LNX1: variants seen among roughly 807,000 people sequenced by gnomAD.
LNX1 encodes E3 ubiquitin-protein ligase LNX.
Under a neutral mutation model 68.4 loss-of-function variants are expected in LNX1, and 54 were observed. That is an observed-to-expected ratio of 0.79 (90% confidence interval 0.63 to 0.99). LNX1 has a LOEUF of 0.99. Among genes scored for constraint, LNX1 ranks in the 50% least tolerant of loss-of-function variants. The probability of loss-of-function intolerance (pLI) is 0.00; values close to 1 mark genes in which losing one functional copy is unlikely to be tolerated. For missense variants in LNX1, 906 were observed against 926.4 expected, an observed-to-expected ratio of 0.98 and a Z score of 0.29; for synonymous variants, 336 against 350.0, an observed-to-expected ratio of 0.96 and a Z score of 0.45.
chr4:53,560,944 CGGT>C (rs1730242981), intron 2 of LNX1, among the ~76,000 whole-genome samples: 1 of 152,196 alleles, frequency 6.6e-6, no homozygotes, highest in Non-Finnish European at 1.5e-5. Context: ...GCTTCCTTGC[CGGT>C]AAACAGCCCT....
In LNX1 at chr4:53,476,865, C is replaced by G. The variant is rs761292976; in HGVS notation, c.1780G>C (p.Glu594Gln). The G allele has an allele frequency of 6.2e-7, 1 of 1,614,206 alleles. No homozygotes were observed. Among genetic ancestry groups the G allele is most frequent in the South Asian group, 1.1e-5 (1 of 91,090 alleles). ...SIVLKALEVKEYEPQEDCSSP... is the reference protein window; with the variant it reads ...SIVLKALEVKQYEPQEDCSSP... ...CTGCAGTCTTCCTGGGGCTCATACT[C>G]TTTGACTTCCAAAGCTTTGAGTACT... The change falls in exon 9 of 11, where the codon GAG becomes CAG. Residue 594 changes from glutamate to glutamine, a missense_variant. Physicochemically the swap from Glu to Gln is conservative, Grantham distance 29. Coordinates refer to ENST00000263925, the MANE Select transcript of LNX1 (RefSeq NM_001126328.3).
At chr4:53,539,388 CCT>C (rs1491538544) in intron 2 of LNX1, 122,750 of 151,686 alleles carry the variant, frequency 0.81, 49,954 homozygotes, top group Admixed American at 0.86. Context: ...ATTTTTGAGA[CCT>C]GTCTCACTCT....
At chr4:53,630,759 G>A (rs1432381342) in intron 1 of LNX1, among the ~76,000 whole-genome samples, 1 of 152,220 alleles carries the variant, frequency 6.6e-6, no homozygotes, top group African/African-American at 2.4e-5. Flanking sequence ...TGATAAAAAT[G>A]TTGTCACCAG....
intron 1 of LNX1, chr4:53,575,476 G>A (rs1731425165): frequency 5.1e-6 from 5 of 982,012 alleles, no homozygotes; most frequent in Non-Finnish European, 6.0e-6. Flanking sequence ...ACCTTTGAGA[G>A]AGACTTAAAG....
chr4:53,532,686 A>G (rs553914289), intron 2 of LNX1, among the ~76,000 whole-genome samples: 24 of 152,210 alleles, frequency 1.6e-4, no homozygotes, highest in Non-Finnish European at 2.8e-4. Context: ...CAACCACAGG[A>G]GACAGACTAA....
intron 2 of LNX1, among the ~76,000 whole-genome samples, chr4:53,566,927 T>G (rs1404562611): frequency 6.6e-6 from 1 of 152,182 alleles, no homozygotes; most frequent in Non-Finnish European, 1.5e-5. Context: ...AAGGGATCAT[T>G]TCAACAAGAA....
At chr4:53,640,134 C>A (rs1734624039) in intron 1 of LNX1, among the ~76,000 whole-genome samples, 1 of 152,268 alleles carries the variant, frequency 6.6e-6, no homozygotes, top group Non-Finnish European at 1.5e-5. Flanking sequence ...AATAGAATGA[C>A]AGTGGTGGTG....
chr4:53,535,259 A>G (rs111591248), intron 2 of LNX1, among the ~76,000 whole-genome samples: 6 of 152,234 alleles, frequency 3.9e-5, no homozygotes, highest in Non-Finnish European at 7.3e-5. Context: ...CATGGAGACC[A>G]GGCTTTGTTG....
intron 2 of LNX1, chr4:53,522,852 C>T (rs951296440): frequency 6.6e-6 from 1 of 152,158 alleles, no homozygotes; most frequent in Non-Finnish European, 1.5e-5. Flanking sequence ...AATTCCACCC[C>T]CAGAGAAAAC....
chr4:53,558,323 C>A, intron 2 of LNX1: 1 of 1,068,068 alleles, frequency 9.4e-7, no homozygotes, highest in Admixed American at 4.8e-5. Flanking sequence ...TGGGAGCAGA[C>A]AGGCTGGGAG....
chr4:53,518,497 A>G (rs1358796080), intron 2 of LNX1, among the ~76,000 whole-genome samples: 1 of 152,186 alleles, frequency 6.6e-6, no homozygotes, highest in African/African-American at 2.4e-5. Flanking sequence ...CAACTCACAA[A>G]TTAATAGTAA....
chr4:53,479,960 T>TC (rs886760257), intron 7 of LNX1, among the ~76,000 whole-genome samples: 1 of 152,224 alleles, frequency 6.6e-6, no homozygotes. Flanking sequence ...AGGCCTTGCC[T>TC]CCCCACAGAG....
upstream of LNX1, among the ~76,000 whole-genome samples, chr4:53,619,762 T>C (rs1470885869): frequency 6.6e-6 from 1 of 152,220 alleles, no homozygotes; most frequent in South Asian, 2.1e-4. Flanking sequence ...GGTAATTCTA[T>C]GTTTAATTTT....
At chr4:53,530,170 T>C (rs1204539719) in intron 2 of LNX1, among the ~76,000 whole-genome samples, 1 of 152,256 alleles carries the variant, frequency 6.6e-6, no homozygotes, top group East Asian at 1.9e-4. Flanking sequence ...AATTTGGTTA[T>C]AGAGTTGTGC....
At chr4:53,579,874 T>C (rs972814068) in intron 1 of LNX1, among the ~76,000 whole-genome samples, 4 of 152,224 alleles carry the variant, frequency 2.6e-5, no homozygotes, top group African/African-American at 9.6e-5. Flanking sequence ...GCAACGATAA[T>C]TTTACGTGTT....
chr4:53,555,909 A>T (rs186335430), intron 2 of LNX1, among the ~76,000 whole-genome samples: 7 of 152,292 alleles, frequency 4.6e-5, no homozygotes, highest in Admixed American at 2.6e-4. Flanking sequence ...TGGTATAAGG[A>T]CCTTCCTTCA....
upstream of LNX1, among the ~76,000 whole-genome samples, chr4:53,622,346 A>G (rs1733913889): frequency 6.6e-6 from 1 of 152,038 alleles, no homozygotes; most frequent in Admixed American, 6.6e-5. Flanking sequence ...AAATACTGAC[A>G]ATTTTCAAAC....
At chr4:53,551,651 C>T (rs1031225486) in intron 2 of LNX1, among the ~76,000 whole-genome samples, 1 of 152,098 alleles carries the variant, frequency 6.6e-6, no homozygotes, top group East Asian at 1.9e-4. Context: ...AGAGATGCAA[C>T]CCCCCTGGAA....
intron 1 of LNX1, chr4:53,579,281 T>TA (rs1731682857): frequency 1.0e-6 from 1 of 984,546 alleles, no homozygotes; most frequent in Non-Finnish European, 1.2e-6. Flanking sequence ...GTGGAAATCT[T>TA]ACACTTTTTC....
Sources: allele counts gnomAD v4.1 joint callset (sites outside exome capture counted in the v4.1 genomes callset), GRCh38; gene constraint gnomAD v4.1.1; transcripts MANE v1.5; gene names NCBI Gene and HGNC (gene_info 2026-07-23, HGNC 2026-07-21).